The following RGS9 variants were observed in gnomAD, a reference collection of about 807,000 sequenced individuals.
RGS9 encodes the protein regulator of G-protein signalling 9.
In RGS9, 78 loss-of-function variants were observed where a neutral mutation model predicts 102.0. The ratio of observed to expected loss-of-function variants is 0.76; its 90% CI spans 0.64 to 0.92. The LOEUF (loss-of-function observed/expected upper bound fraction) is 0.92. Among genes scored for constraint, RGS9 ranks in the 40% least tolerant of loss-of-function variants. RGS9 has a pLI of 0.00. For missense variants in RGS9, 833 were observed against 866.1 expected, an observed-to-expected ratio of 0.96 and a Z score of 0.48; for synonymous variants, 353 against 318.6, an observed-to-expected ratio of 1.11 and a Z score of -1.15.
intron 13 of RGS9, 61 bp downstream of exon 13, chr17:65,197,302 G>T: frequency 9.2e-7 from 1 of 1,088,296 alleles, no homozygotes. Flanking sequence ...GTCCTTTAAT[G>T]TCTAGCCTAG....
At chr17:65,184,830 C>T (rs1912045903) in intron 9 of RGS9, among the ~76,000 whole-genome samples, 1 of 143,564 alleles carries the variant, frequency 7.0e-6, no homozygotes, top group Non-Finnish European at 1.5e-5. Flanking sequence ...TCTCTCCTTC[C>T]TTCCTTCCTT....
At chr17:65,197,088 C>G (rs369861451) in intron 12 of RGS9, 38 bp from the exon 13 acceptor site, 1 of 1,495,732 alleles carries the variant, frequency 6.7e-7, no homozygotes, top group Non-Finnish European at 9.3e-7. Flanking sequence ...CTGTCACAAC[C>G]GCTACCTCTC....
intron 17 of RGS9, among the ~76,000 whole-genome samples, chr17:65,218,150 G>A (rs1002821334): frequency 6.6e-6 from 1 of 152,180 alleles, no homozygotes; most frequent in Admixed American, 6.5e-5. Flanking sequence ...GTTCAAAGGT[G>A]GCATAGAGAG....
chr17:65,158,385 TG>T (rs1253769023), intron 3 of RGS9, 40 bp downstream of exon 3: 1 of 1,571,576 alleles, frequency 6.4e-7, no homozygotes. Context: ...GGGACAGCTT[TG>T]TGTACAGCAC....
At chr17:65,169,542 C>CA (rs2144018180) in intron 8 of RGS9, among the ~76,000 whole-genome samples, 1 of 152,316 alleles carries the variant, frequency 6.6e-6, no homozygotes, top group South Asian at 2.1e-4. Flanking sequence ...CCACATTTGG[C>CA]AAGACACCTT....
intron 1 of RGS9, among the ~76,000 whole-genome samples, chr17:65,145,538 C>G (rs1260016615): frequency 6.7e-6 from 1 of 148,750 alleles, no homozygotes; most frequent in East Asian, 1.9e-4. Flanking sequence ...TAGCCTGCCA[C>G]CACTCCTGGC....
chr17:65,185,975 C>G (rs1266332111), intron 9 of RGS9, among the ~76,000 whole-genome samples: 1 of 152,122 alleles, frequency 6.6e-6, no homozygotes, highest in Non-Finnish European at 1.5e-5. Context: ...CATGTTCTGG[C>G]CGCAGAACAG....
intron 1 of RGS9, among the ~76,000 whole-genome samples, chr17:65,148,650 T>C (rs1242938518): frequency 6.6e-6 from 1 of 152,202 alleles, no homozygotes; most frequent in Non-Finnish European, 1.5e-5. Flanking sequence ...AGGGAGATTC[T>C]GTTGGCCCTC....
chr17:65,183,903 A>G (rs1045647849), intron 9 of RGS9, among the ~76,000 whole-genome samples: 1 of 152,250 alleles, frequency 6.6e-6, no homozygotes, highest in Non-Finnish European at 1.5e-5. Context: ...GCCCAGAGCT[A>G]TGTAAACAAC....
At chr17:65,152,268 G>C (rs916053121) in intron 1 of RGS9, among the ~76,000 whole-genome samples, 1 of 152,210 alleles carries the variant, frequency 6.6e-6, no homozygotes, top group African/African-American at 2.4e-5. Flanking sequence ...AGTGTCCTTG[G>C]TATGGCTGGG....
At chr17:65,161,392 C>T (rs2002309) in intron 6 of RGS9, among the ~76,000 whole-genome samples, 3,334 of 152,236 alleles carry the variant, frequency 0.022, 124 homozygotes, top group African/African-American at 0.077. Flanking sequence ...GCTGGGATTA[C>T]AGGCGTGTGC....
At chr17:65,201,914 CATTT>C in intron 13 of RGS9, 75 bp from the exon 14 acceptor site, 1 of 966,294 alleles carries the variant, frequency 1.0e-6, no homozygotes, top group East Asian at 2.6e-5. Context: ...CCGGTTGACT[CATTT>C]CTTTTATTTC....
intron 17 of RGS9, among the ~76,000 whole-genome samples, chr17:65,222,606 A>C (rs961949418): frequency 7.2e-5 from 11 of 152,210 alleles, no homozygotes; most frequent in African/African-American, 2.7e-4. Flanking sequence ...GATACTTGAT[A>C]CATCTACGAG....
At chr17:65,172,166 A>G (rs1165535514) in intron 8 of RGS9, among the ~76,000 whole-genome samples, 1 of 152,236 alleles carries the variant, frequency 6.6e-6, no homozygotes, top group Non-Finnish European at 1.5e-5. Context: ...AAGGCCATTC[A>G]TTGATCTAGG....
At chr17:65,223,186 GAGTAA>G (rs1905436267) in intron 17 of RGS9, among the ~76,000 whole-genome samples, 1 of 152,198 alleles carries the variant, frequency 6.6e-6, no homozygotes, top group Non-Finnish European at 1.5e-5. Flanking sequence ...CATGATTATT[GAGTAA>G]AGTGCTCAGT....
In RGS9 at chr17:65,189,311, A is replaced by G. The variant is rs1267080618; in HGVS notation, c.680A>G (p.Lys227Arg). The change falls in exon 10 of 19, where the codon AAA becomes AGA. Residue 227 changes from lysine (K) to arginine (R), a missense_variant. Physicochemically the swap from Lys to Arg is conservative, Grantham distance 26. This residue lies in a region of RGS9 where 328 missense variants were observed against 340.6 expected (regional missense o/e 0.96). Coordinates refer to ENST00000262406, the MANE Select transcript of RGS9 (RefSeq NM_003835.4). ...NQKQTVVAVK[K>R]EIMYYQQALM... is the part of the protein sequence containing the mutation. ...AAACAAACAGTCGTTGCTGTCAAAA[A>G]AGAGGTAATTAGTCTTACACTTCCA... 2 of 1,610,740 alleles carry G rather than the reference A, an allele frequency of 1.2e-6. No homozygotes were observed. Among genetic ancestry groups the G allele is most frequent in the African/African-American group, 2.7e-5 (2 of 74,988 alleles).
At position 65,153,516 on chromosome 17, in the gene RGS9, C is replaced by T. The variant is rs772529571; in HGVS notation, c.152C>T (p.Thr51Ile). 2.5e-6 allele frequency: 4 copies of T among 1,612,526 alleles called. No individual in the cohort carries two copies. The South Asian group carries it at 4.4e-5, about 18-fold the overall frequency. Residue 51 changes from threonine (T) to isoleucine (I), a missense_variant and splice_region_variant, in exon 2 of 19, where the codon ACA (threonine) becomes ATA (isoleucine). Coordinates refer to ENST00000262406, the MANE Select transcript of RGS9 (RefSeq NM_003835.4). The part of the protein sequence containing the change: ...VLVTSVPHAM[T>I]GSDVLQWIVQ... ...GTCACCAGCGTTCCTCATGCCATGA[C>T]AGGTGATGTAGCTTGCACTTTAGTC...
intron 9 of RGS9, among the ~76,000 whole-genome samples, chr17:65,183,878 T>C (rs542672765): frequency 4.2e-4 from 64 of 152,248 alleles, no homozygotes; most frequent in African/African-American, 1.4e-3. Context: ...CCATCCGGGG[T>C]TTGCCAGTCA....
At chr17:65,163,182 ATT>A (rs368025174) in intron 7 of RGS9, 93 bp downstream of exon 7, 14 of 586,466 alleles carry the variant, frequency 2.4e-5, no homozygotes, top group Middle Eastern at 4.8e-4. Flanking sequence ...TTTTATTTTT[ATT>A]TTTTTTTTGA....
Sources: allele counts gnomAD v4.1 joint callset (sites outside exome capture counted in the v4.1 genomes callset), GRCh38; gene constraint gnomAD v4.1.1; regional missense constraint gnomAD v4.1.1; transcripts MANE v1.5; gene names NCBI Gene and HGNC (gene_info 2026-07-23, HGNC 2026-07-21).